Variants in YWHAB observed in about 807,000 individuals in gnomAD.
YWHAB encodes 14-3-3 protein beta/alpha.
Under a neutral mutation model 28.5 loss-of-function variants are expected in YWHAB, and 2 were observed. The ratio of observed to expected loss-of-function variants is 0.07; its 90% confidence interval spans 0.03 to 0.22. YWHAB has a LOEUF of 0.22. Among genes scored for constraint, YWHAB ranks in the 10% least tolerant of loss-of-function variants. The pLI, the probability that YWHAB is intolerant of heterozygous loss-of-function variation, is 1.00. For synonymous variants in YWHAB, 103 were observed against 104.7 expected (o/e 0.98, Z 0.10); for missense variants, 148 against 297.1 (o/e 0.50, Z 3.69).
rs1038897254 is a variant in YWHAB, at chr20:44,888,186, A to G, written c.-4+2300A>G. 7.9e-5 allele frequency among the ~76,000 whole-genome samples: 12 copies of G among 152,360 alleles called. No individual in the cohort carries two copies. In the South Asian group the frequency reaches 2.5e-3, roughly 32 times the overall value. On this transcript the variant is annotated intron_variant, in intron 1 of 5. Transcript: ENST00000353703. ...ACCATCTGCATGAATATACACGTGT[A>G]TAGATTAGACATAGCATATATGCTA...
intron 1 of YWHAB, 123 bp from the exon 2 acceptor site, chr20:44,901,408 T>G: frequency 2.0e-6 from 2 of 992,260 alleles, no homozygotes; most frequent in South Asian, 3.3e-5. Flanking sequence ...TGATGGCATT[T>G]GGAATGAGAT....
intron 2 of YWHAB, 52 bp downstream of exon 2, chr20:44,901,885 T>C: frequency 6.6e-7 from 1 of 1,518,410 alleles, no homozygotes. Flanking sequence ...TAGTATTAAT[T>C]TAATGTATAA....
intron 1 of YWHAB, among the ~76,000 whole-genome samples, chr20:44,899,853 T>G (rs1022845495): frequency 2.0e-5 from 3 of 152,232 alleles, no homozygotes; most frequent in Non-Finnish European, 4.4e-5. Flanking sequence ...TCAGTTATGG[T>G]TCAGATGAAT....
At chr20:44,898,335 T>C (rs1182009601) in intron 1 of YWHAB, among the ~76,000 whole-genome samples, 4 of 152,150 alleles carry the variant, frequency 2.6e-5, no homozygotes, top group Non-Finnish European at 5.9e-5. Context: ...ATTATAGTTA[T>C]GAACTGGAGA....
chr20:44,902,649 G>C lies in YWHAB; in HGVS notation c.300+816G>C, dbSNP rs186101951. On this transcript the variant is annotated intron_variant, in intron 2 of 5. Coordinates refer to ENST00000353703, the MANE Select transcript of YWHAB (RefSeq NM_139323.4). ...TCTTTTGAAAACCAGTATAAAGCTTGTCAGCCATCAGGCAGCACCCCTTAT... is the reference window on the plus strand; with the variant it reads ...TCTTTTGAAAACCAGTATAAAGCTTCTCAGCCATCAGGCAGCACCCCTTAT... 24 of 152,270 alleles carry C rather than the reference G, an allele frequency of 1.6e-4. 1 individual carries two copies. In the East Asian group the frequency reaches 4.2e-3, roughly 27 times the overall value. The allele number at this position is 152,270 out of a possible 1,614,324, so 9.4% of individuals were successfully genotyped here. A position where few individuals can be genotyped will look rare whatever the true frequency, so the allele number is the denominator to read the frequency against.
At chr20:44,900,182 G>C (rs946900804) in intron 1 of YWHAB, among the ~76,000 whole-genome samples, 1 of 151,914 alleles carries the variant, frequency 6.6e-6, no homozygotes, top group Non-Finnish European at 1.5e-5. Context: ...TGAGTAGCTG[G>C]GACTACAGGT....
At chr20:44,890,040 C>A (rs924930004) in intron 1 of YWHAB, among the ~76,000 whole-genome samples, 1 of 152,144 alleles carries the variant, frequency 6.6e-6, no homozygotes. Context: ...GGATCAAATG[C>A]GTTTCTAGGA....
chr20:44,887,628 C>G (rs190826896), intron 1 of YWHAB: 1 of 152,146 alleles, frequency 6.6e-6, no homozygotes, highest in Non-Finnish European at 1.5e-5. Flanking sequence ...GAGCAAATTC[C>G]CATGATGCTG....
At chr20:44,897,105 G>A (rs2066600501) in intron 1 of YWHAB, among the ~76,000 whole-genome samples, 1 of 152,148 alleles carries the variant, frequency 6.6e-6, no homozygotes, top group Non-Finnish European at 1.5e-5. Flanking sequence ...AATAGGGAAG[G>A]CATATTTGGG....
intron 2 of YWHAB, 170 bp downstream of exon 2, chr20:44,902,003 A>T: frequency 1.5e-6 from 1 of 661,674 alleles, no homozygotes; most frequent in East Asian, 2.9e-5. Context: ...TGTGTCACCT[A>T]TTGCCTGATC....
At chr20:44,900,828 T>C (rs1262544068) in intron 1 of YWHAB, among the ~76,000 whole-genome samples, 2 of 152,042 alleles carry the variant, frequency 1.3e-5, no homozygotes, top group African/African-American at 4.8e-5. Context: ...CACGCTGGAG[T>C]CCAGTGGCGT....
chr20:44,906,138 C>G, intron 5 of YWHAB, 42 bp downstream of exon 5: 1 of 1,456,506 alleles, frequency 6.9e-7, no homozygotes, highest in South Asian at 1.2e-5. Flanking sequence ...CTTTCCTATT[C>G]ACCTACTTAA....
At chr20:44,898,339 C>A (rs1462784776) in intron 1 of YWHAB, among the ~76,000 whole-genome samples, 2 of 152,074 alleles carry the variant, frequency 1.3e-5, no homozygotes, top group African/African-American at 4.8e-5. Context: ...TAGTTATGAA[C>A]TGGAGAATCA....
At chr20:44,893,938 C>G (rs2066579571) in intron 1 of YWHAB, among the ~76,000 whole-genome samples, 7 of 152,180 alleles carry the variant, frequency 4.6e-5, no homozygotes, top group Admixed American at 3.9e-4. Flanking sequence ...TTCAGGTGAT[C>G]TGCCTGCCTT....
chr20:44,904,900 A>G (rs2066647647), intron 3 of YWHAB, 68 bp from the exon 4 acceptor site: 4 of 1,453,336 alleles, frequency 2.8e-6, no homozygotes, highest in African/African-American at 2.8e-5. Context: ...AAATAATTTG[A>G]TAGTTGGTCC....
At position 44,907,804 on chromosome 20, in the gene YWHAB, G is replaced by C. The variant is rs1200100128; in HGVS notation, c.*1366G>C. ...GGCACCAGAACCCTGTCTTCCTCCA[G>C]TTCTCAACACGGTGTTGCTCTTCAG... is the stretch of plus-strand genomic sequence containing the variant. On this transcript the variant is annotated 3_prime_UTR_variant, in exon 6 of 6. Transcript: ENST00000353703. 1 of 152,248 alleles carries C rather than the reference G, an allele frequency of 6.6e-6. No homozygotes were observed. Among genetic ancestry groups the C allele is most frequent in the Non-Finnish European group, 1.5e-5 (1 of 68,060 alleles). 9.4% of individuals were successfully genotyped at this position (152,248 alleles called of 1,614,324 possible).
intron 1 of YWHAB, among the ~76,000 whole-genome samples, chr20:44,892,781 A>C (rs1449622099): frequency 6.6e-6 from 1 of 152,186 alleles, no homozygotes; most frequent in East Asian, 1.9e-4. Flanking sequence ...TATAATGTGG[A>C]AATGTAGAAA....
At chr20:44,895,286 T>C (rs1460889091) in intron 1 of YWHAB, among the ~76,000 whole-genome samples, 1 of 152,126 alleles carries the variant, frequency 6.6e-6, no homozygotes, top group African/African-American at 2.4e-5. Flanking sequence ...CATGTGGTGC[T>C]GGCCAGCCTG....
intron 1 of YWHAB, among the ~76,000 whole-genome samples, chr20:44,889,757 A>G (rs539548199): frequency 6.6e-6 from 1 of 152,282 alleles, no homozygotes; most frequent in African/African-American, 2.4e-5. Flanking sequence ...TTAAAGCTAG[A>G]TAACATTAGC....
Sources: allele counts gnomAD v4.1 joint callset (sites outside exome capture counted in the v4.1 genomes callset), GRCh38; gene constraint gnomAD v4.1.1; transcripts MANE v1.5; gene names NCBI Gene and HGNC (gene_info 2026-07-23, HGNC 2026-07-21).